Variants in SLC43A2 observed in about 807,000 individuals in gnomAD.
SLC43A2 encodes the protein large neutral amino acids transporter small subunit 4.
SLC43A2 carries 38 observed loss-of-function variants against 63.2 expected under a neutral mutation model. The ratio of observed to expected loss-of-function variants is 0.60; its 90% CI spans 0.46 to 0.79. The LOEUF is 0.79. Ranked by LOEUF, SLC43A2 falls within the 30% of genes least tolerant of loss-of-function variation. The pLI, the probability that SLC43A2 is intolerant of heterozygous loss-of-function variation, is 0.00. For synonymous variants in SLC43A2, 322 were observed against 331.0 expected, an observed-to-expected ratio of 0.97 and a Z score of 0.30; for missense variants, 644 against 756.2, an observed-to-expected ratio of 0.85 and a Z score of 1.74.
At chr17:1,612,412 G>A (rs1040064595) in intron 5 of SLC43A2, among the ~76,000 whole-genome samples, 4 of 152,136 alleles carry the variant, frequency 2.6e-5, no homozygotes, top group Non-Finnish European at 4.4e-5. Flanking sequence ...GTCTGTGCCC[G>A]GGCACGGAGG....
At chr17:1,580,316 G>A (rs1360056632) in intron 11 of SLC43A2, among the ~76,000 whole-genome samples, 2 of 152,202 alleles carry the variant, frequency 1.3e-5, no homozygotes, top group Admixed American at 1.3e-4. Context: ...CAGCCACGGT[G>A]AGTGCATGTG....
chr17:1,624,365 G>C lies in SLC43A2; in HGVS notation c.160+3350C>G, dbSNP rs138479831. On this transcript the variant is annotated intron_variant, in intron 2 of 13. Coordinates refer to ENST00000301335, the MANE Select transcript of SLC43A2 (RefSeq NM_152346.3). ...AGGCTGGTGGATCACTTGAGCCCAGGAGTTTTGAGACCAGCCTGAGCAACG... is the reference window on the plus strand; with the variant it reads ...AGGCTGGTGGATCACTTGAGCCCAGCAGTTTTGAGACCAGCCTGAGCAACG... 3.4e-3 allele frequency among the ~76,000 whole-genome samples: 521 copies of C among 152,204 alleles called. 1 individual carries two copies. Among genetic ancestry groups the C allele is most frequent in the African/African-American group, 0.012 (486 of 41,516 alleles).
In SLC43A2 at chr17:1,627,591, C is replaced by T. The variant is rs899102934; in HGVS notation, c.160+124G>A. On this transcript the variant is annotated intron_variant, in intron 2 of 13. Coordinates refer to ENST00000301335, the MANE Select transcript of SLC43A2 (RefSeq NM_152346.3). ...AGGGCTGGGTGAGGATCAGATGGGC[C>T]TTCTGATACCCTAGAGGCACTGGGC... 3 of 996,228 alleles carry T rather than the reference C, an allele frequency of 3.0e-6. No homozygotes were observed. The Admixed American group carries it at 9.9e-5, about 33-fold the overall frequency. The allele number at this position is 996,228 out of a possible 1,614,324, so 61.7% of individuals were successfully genotyped here. A position where few individuals can be genotyped will look rare whatever the true frequency, so the allele number is the denominator to read the frequency against.
At position 1,613,251 on chromosome 17, in the gene SLC43A2, T is replaced by C. The variant is rs771017559; in HGVS notation, c.445A>G (p.Ile149Val). ...KPNALSVLIFIALALNGFGGM... is the reference protein window; with the variant it reads ...KPNALSVLIFVALALNGFGGM... The stretch of plus-strand genomic sequence containing the variant: ...CCAAAGCCATTCAGAGCCAGGGCGA[T>C]GAAGATGAGCACGGAGAGAGCTGCA... Residue 149 changes from isoleucine (I) to valine (V), a missense_variant, in exon 5 of 14, where the codon ATC becomes GTC. Physicochemically the swap from Ile to Val is conservative, Grantham distance 29. Transcript: ENST00000301335. 1.1e-5 allele frequency: 17 copies of C among 1,613,972 alleles called. No homozygotes were observed. The highest frequency in any genetic ancestry group is 5.3e-5 in the African/African-American group (4 of 74,906).
intron 5 of SLC43A2, among the ~76,000 whole-genome samples, chr17:1,597,807 A>G (rs1905458330): frequency 6.6e-6 from 1 of 152,114 alleles, no homozygotes; most frequent in Non-Finnish European, 1.5e-5. Flanking sequence ...TCAAAAAGAA[A>G]AAAAAAAGAA....
At position 1,583,618 on chromosome 17, in the gene SLC43A2, G is replaced by C; in HGVS notation, c.1218-282C>G. ...TGTGAAGGCTGAGCTAAGACGACGG[G>C]GAGAGAAGTAGCAGCGTGTGCCTGA... is the stretch of plus-strand genomic sequence containing the variant. On this transcript the variant is annotated intron_variant, in intron 10 of 13. Transcript: ENST00000301335. The surrounding 1 kb of genome is among the most constrained non-coding windows in gnomAD (Gnocchi z 5.5). 1 of 365,352 alleles carries C rather than the reference G, an allele frequency of 2.7e-6. No individual in the cohort carries two copies. The highest frequency in any genetic ancestry group is 4.4e-5 in the East Asian group (1 of 22,776). 22.6% of individuals were successfully genotyped at this position (365,352 alleles called of 1,614,324 possible).
At chr17:1,591,734 A>AGGGGG (rs780559673) in intron 6 of SLC43A2, 35 bp from the exon 7 acceptor site, 12 of 295,312 alleles carry the variant, frequency 4.1e-5, no homozygotes, top group Admixed American at 7.7e-5. Flanking sequence ...TGGGGGGGGG[A>AGGGGG]GGGGGCAGAG....
intron 8 of SLC43A2, 85 bp downstream of exon 8, chr17:1,591,184 C>T (rs1190305629): frequency 6.5e-7 from 1 of 1,536,662 alleles, no homozygotes. Context: ...GCCGCCTCCC[C>T]TTTTGGGGTG....
At chr17:1,592,444 A>C (rs1159754837) in intron 6 of SLC43A2, among the ~76,000 whole-genome samples, 1 of 152,098 alleles carries the variant, frequency 6.6e-6, no homozygotes, top group Non-Finnish European at 1.5e-5. Context: ...AAAAAGGAGG[A>C]GGAAGAACTT....
chr17:1,614,868 G>T (rs1050270253), intron 4 of SLC43A2, 111 bp downstream of exon 4: 2 of 1,088,536 alleles, frequency 1.8e-6, no homozygotes, highest in Non-Finnish European at 2.8e-6. Context: ...CCTCTAACTT[G>T]AGCAGGGAGC....
chr17:1,596,755 G>T (rs533485103), intron 5 of SLC43A2, among the ~76,000 whole-genome samples: 10 of 152,022 alleles, frequency 6.6e-5, no homozygotes, highest in African/African-American at 2.4e-4. Context: ...GCTATTTTTT[G>T]AAATAACCAA....
chr17:1,608,515 T>C (rs1265740174), intron 5 of SLC43A2, among the ~76,000 whole-genome samples: 10 of 152,026 alleles, frequency 6.6e-5, no homozygotes, highest in Non-Finnish European at 1.5e-4. Flanking sequence ...CACCTCAGCC[T>C]CCCGAGTAGC....
At position 1,575,364 on chromosome 17, in the gene SLC43A2, C is replaced by A. The variant is rs1373682571; in HGVS notation, c.*240G>T. The A allele has an allele frequency of 1.8e-5, 10 of 566,866 alleles. No individual in the cohort carries two copies. The Admixed American group carries it at 2.1e-4, about 12-fold the overall frequency. The allele number at this position is 566,866 out of a possible 1,614,324, so 35.1% of individuals were successfully genotyped here. On this transcript the variant is annotated 3_prime_UTR_variant, in exon 14 of 14. Transcript: ENST00000301335. Reference sequence around the variant, plus strand: ...CACAGAGACCCCAGGCCCCGGGTCCCCGGGGGGCGGCAGAGCAAAGTCAGG... The same window carrying A: ...CACAGAGACCCCAGGCCCCGGGTCCACGGGGGGCGGCAGAGCAAAGTCAGG...
chr17:1,609,700 T>A (rs1254909725), intron 5 of SLC43A2, among the ~76,000 whole-genome samples: 2 of 151,920 alleles, frequency 1.3e-5, no homozygotes, highest in African/African-American at 2.4e-5. Context: ...TAAATGATGG[T>A]CCATCTATAT....
intron 2 of SLC43A2, among the ~76,000 whole-genome samples, chr17:1,619,929 AGGAGCCACGG>A (rs1472085727): frequency 2.0e-5 from 3 of 152,230 alleles, no homozygotes; most frequent in Admixed American, 2.0e-4. Flanking sequence ...TGCTGCAAGC[AGGAGCCACGG>A]GGACAAGGAA....
At chr17:1,616,008 A>G (rs1907624751) in intron 3 of SLC43A2, among the ~76,000 whole-genome samples, 1 of 147,480 alleles carries the variant, frequency 6.8e-6, no homozygotes, top group Admixed American at 7.0e-5. Flanking sequence ...ACGCCACTGC[A>G]CTCCAGCCTG....
intron 5 of SLC43A2, among the ~76,000 whole-genome samples, chr17:1,611,815 C>T (rs1907133785): frequency 6.6e-6 from 1 of 152,118 alleles, no homozygotes. Flanking sequence ...GCGAGGTTTC[C>T]TTGATGGACA....
Position 1,605,156 on chromosome 17 carries a change from G to T in SLC43A2, c.501+8039C>A. Reference sequence around the variant, plus strand: ...CCCTCGCCGCCTCTGCCTCCGTGCGGGTCAACCTGTCCTGCCAGCCCGGGC... The same window carrying T: ...CCCTCGCCGCCTCTGCCTCCGTGCGTGTCAACCTGTCCTGCCAGCCCGGGC... On this transcript the variant is annotated intron_variant, in intron 5 of 13. Coordinates refer to ENST00000301335, the MANE Select transcript of SLC43A2 (RefSeq NM_152346.3). The surrounding 1 kb of genome is among the most constrained non-coding windows in gnomAD (Gnocchi z 4.9). 8.0e-7 allele frequency: 1 copy of T among 1,248,112 alleles called. No homozygotes were observed. The highest frequency in any genetic ancestry group is 1.0e-6 in the Non-Finnish European group (1 of 984,842). 77.3% of individuals were successfully genotyped at this position (1,248,112 alleles called of 1,614,324 possible). A position where few individuals can be genotyped will look rare whatever the true frequency, so the allele number is the denominator to read the frequency against.
chr17:1,586,928 T>TTGCCC, intron 9 of SLC43A2: 1 of 1,232,914 alleles, frequency 8.1e-7, no homozygotes, highest in Non-Finnish European at 1.1e-6. Flanking sequence ...TCCCTGACAA[T>TTGCCC]CCCCCCCACC....
Sources: allele counts gnomAD v4.1 joint callset (sites outside exome capture counted in the v4.1 genomes callset), GRCh38; gene constraint gnomAD v4.1.1; non-coding constraint Gnocchi (gnomAD v3.1); transcripts MANE v1.5; gene names NCBI Gene and HGNC (gene_info 2026-07-23, HGNC 2026-07-21).